STXBP5L: variants seen among roughly 807,000 people sequenced by gnomAD.
STXBP5L encodes syntaxin-binding protein 5-like.
In STXBP5L, 65 loss-of-function variants were observed where a neutral mutation model predicts 144.5. That is an observed-to-expected ratio of 0.45 (90% CI 0.37 to 0.55). STXBP5L has a LOEUF of 0.55. STXBP5L is among the 20% of genes least tolerant of loss of function. The probability of loss-of-function intolerance (pLI) is 0.00; values close to 1 mark genes in which losing one functional copy is unlikely to be tolerated. For missense variants in STXBP5L, 1,298 were observed against 1,405.5 expected (o/e 0.92, Z 1.22); for synonymous variants, 505 against 469.6 (o/e 1.08, Z -0.97).
intron 24 of STXBP5L, among the ~76,000 whole-genome samples, chr3:121,415,158 A>C (rs2047203619): frequency 6.6e-6 from 1 of 152,124 alleles, no homozygotes; most frequent in Non-Finnish European, 1.5e-5. Context: ...TCCTTTCTCC[A>C]CACTGATGGT....
intron 3 of STXBP5L, among the ~76,000 whole-genome samples, chr3:120,964,964 G>A (rs1162600224): frequency 6.6e-6 from 1 of 152,108 alleles, no homozygotes; most frequent in Non-Finnish European, 1.5e-5. Flanking sequence ...CCTGTTTTGG[G>A]TGCATATATA....
chr3:121,327,357 C>T (rs1309295584), intron 20 of STXBP5L, among the ~76,000 whole-genome samples: 1 of 152,146 alleles, frequency 6.6e-6, no homozygotes, highest in Non-Finnish European at 1.5e-5. Flanking sequence ...TATAATTGAA[C>T]ATAAATTTGG....
At chr3:120,928,113 A>G (rs1559879979) in intron 2 of STXBP5L, among the ~76,000 whole-genome samples, 2 of 152,190 alleles carry the variant, frequency 1.3e-5, no homozygotes, top group South Asian at 2.1e-4. Context: ...TTAAGTACTC[A>G]TTTCAATGAG....
chr3:120,957,041 A>C (rs373206363), intron 3 of STXBP5L, among the ~76,000 whole-genome samples: 2 of 151,920 alleles, frequency 1.3e-5, no homozygotes, highest in Non-Finnish European at 2.9e-5. Context: ...TGGCATGTGG[A>C]TATCCCATTT....
At chr3:121,389,378 G>A (rs922950442) in intron 22 of STXBP5L, among the ~76,000 whole-genome samples, 2 of 151,994 alleles carry the variant, frequency 1.3e-5, no homozygotes, top group Non-Finnish European at 2.9e-5. Context: ...TTGTGTCTCT[G>A]TCTCTTTCAG....
chr3:121,186,428 G>A (rs1159633385), intron 9 of STXBP5L, among the ~76,000 whole-genome samples: 2 of 152,112 alleles, frequency 1.3e-5, no homozygotes, highest in African/African-American at 4.8e-5. Flanking sequence ...TTGACTGTGG[G>A]TTTGTCTTAG....
intron 5 of STXBP5L, among the ~76,000 whole-genome samples, chr3:121,088,043 T>C (rs545447527): frequency 4.6e-5 from 7 of 152,230 alleles, no homozygotes; most frequent in African/African-American, 1.4e-4. Context: ...GCTTTAACCA[T>C]CAAATATAAT....
intron 22 of STXBP5L, among the ~76,000 whole-genome samples, chr3:121,406,184 C>T (rs965799726): frequency 3.3e-5 from 5 of 151,916 alleles, no homozygotes; most frequent in African/African-American, 9.7e-5. Flanking sequence ...TAGCCTCTGC[C>T]GTTACCCTTA....
chr3:121,081,279 G>A (rs184980708), intron 5 of STXBP5L, among the ~76,000 whole-genome samples: 2 of 151,960 alleles, frequency 1.3e-5, no homozygotes, highest in African/African-American at 4.8e-5. Flanking sequence ...ATTTCTTTGT[G>A]TTGTTTTTTA....
At chr3:121,284,187 T>G (rs1315459437) in intron 19 of STXBP5L, among the ~76,000 whole-genome samples, 1 of 151,994 alleles carries the variant, frequency 6.6e-6, no homozygotes, top group East Asian at 1.9e-4. Flanking sequence ...TTCAGAATTT[T>G]TTTTCAGCCC....
chr3:121,070,433 C>T (rs2107659172), intron 5 of STXBP5L, among the ~76,000 whole-genome samples: 2 of 152,218 alleles, frequency 1.3e-5, no homozygotes. Flanking sequence ...TCCTTTTTAA[C>T]TTGAGTGTAA....
intron 3 of STXBP5L, among the ~76,000 whole-genome samples, chr3:121,036,559 A>G (rs540882700): frequency 2.1e-4 from 32 of 152,242 alleles, no homozygotes; most frequent in African/African-American, 7.7e-4. Flanking sequence ...TGCTTTATTC[A>G]TTATCCTAGG....
chr3:121,329,153 C>T (rs919249507), intron 20 of STXBP5L, among the ~76,000 whole-genome samples: 2 of 152,110 alleles, frequency 1.3e-5, no homozygotes, highest in Non-Finnish European at 2.9e-5. Flanking sequence ...ATCTGAGCTG[C>T]ACTTCAGGAA....
chr3:120,921,105 G>C (rs928240953), intron 2 of STXBP5L, among the ~76,000 whole-genome samples: 2 of 151,862 alleles, frequency 1.3e-5, no homozygotes, highest in African/African-American at 4.8e-5. Flanking sequence ...CAATGTGTGA[G>C]TTCCCCTCTC....
In STXBP5L at chr3:121,205,948, A is replaced by C. The variant is rs1391316690; in HGVS notation, c.903A>C (p.Lys301Asn). 6.6e-7 allele frequency: 1 copy of C among 1,519,210 alleles called. No individual in the cohort carries two copies. 94.1% of individuals were successfully genotyped at this position (1,519,210 alleles called of 1,614,324 possible). The stretch of plus-strand genomic sequence containing the variant: ...GAAAAAGTCAAAGAGAAGGAAGAAA[A>C]TCTGAATCTTGTAAACCAATTCTTA... ...PHGKSQREGR[K>N]SESCKPILKV... is the part of the protein sequence containing the mutation. The change falls in exon 10 of 27, where the codon AAA becomes AAC. Residue 301 changes from lysine (K) to asparagine (N), a missense_variant. Lys to Asn is a moderately conservative substitution (Grantham distance 94, BLOSUM62 0). Transcript: ENST00000471454.
intron 9 of STXBP5L, among the ~76,000 whole-genome samples, chr3:121,165,946 T>C (rs542474167): frequency 5.9e-5 from 8 of 134,756 alleles, no homozygotes; most frequent in African/African-American, 2.3e-4. Context: ...ACCGCTATTT[T>C]CTCTTTAAAT....
At chr3:120,940,210 A>G (rs1428715256) in intron 2 of STXBP5L, among the ~76,000 whole-genome samples, 1 of 152,048 alleles carries the variant, frequency 6.6e-6, no homozygotes, top group African/African-American at 2.4e-5. Flanking sequence ...ATGTTTTTCA[A>G]ATGTGATACA....
intron 11 of STXBP5L, among the ~76,000 whole-genome samples, chr3:121,229,452 T>C (rs2049230698): frequency 6.6e-6 from 1 of 152,214 alleles, no homozygotes; most frequent in African/African-American, 2.4e-5. Context: ...TTTTAGCTTC[T>C]GGTAACCTTA....
At chr3:121,080,988 G>A (rs951352381) in intron 5 of STXBP5L, among the ~76,000 whole-genome samples, 3 of 151,944 alleles carry the variant, frequency 2.0e-5, no homozygotes, top group South Asian at 2.1e-4. Context: ...TCTTCCTCAG[G>A]ACACCAGTTA....
Sources: gnomAD v4.1 joint callset for allele counts (sites outside exome capture counted in the v4.1 genomes callset) on GRCh38, gnomAD v4.1.1 for gene constraint, MANE v1.5 for transcripts, NCBI Gene and HGNC (gene_info 2026-07-23, HGNC 2026-07-21) for gene names.